AS3MT: variants seen among roughly 807,000 people sequenced by gnomAD.
AS3MT encodes S-adenosyl-L-methionine:arsenic(III) methyltransferase.
Under a neutral mutation model 45.3 loss-of-function variants are expected in AS3MT, and 47 were observed. The ratio of observed to expected loss-of-function variants is 1.04; its 90% CI spans 0.82 to 1.32. The LOEUF (loss-of-function observed/expected upper bound fraction) is 1.32. AS3MT is among the 40% of genes most tolerant of loss of function. The pLI is 0.00. For synonymous variants in AS3MT, 141 were observed against 152.8 expected, an observed-to-expected ratio of 0.92 and a Z score of 0.57; for missense variants, 396 against 451.1, an observed-to-expected ratio of 0.88 and a Z score of 1.11.
At chr10:102,891,931 A>T (rs1845075943) in intron 10 of AS3MT, among the ~76,000 whole-genome samples, 1 of 137,700 alleles carries the variant, frequency 7.3e-6, no homozygotes, top group Non-Finnish European at 1.5e-5. Context: ...CCTGGGCAAC[A>T]GAGTGAGACT....
Position 102,881,110 on chromosome 10 carries a change from A to T in AS3MT, c.885+2119A>T, listed in dbSNP as rs1010254010. On this transcript the variant is annotated intron_variant, in intron 9 of 10. Transcript: ENST00000369880. The surrounding 1 kb of genome is among the most constrained non-coding windows in gnomAD (Gnocchi z 4.2). The stretch of plus-strand genomic sequence containing the variant: ...ATCTGAATAATCTGGACAAATTCTC[A>T]TTCTGGGCAGTCATTCGTTTCATCC... Among the ~76,000 whole-genome samples, 5 of 152,206 alleles carry T rather than the reference A, an allele frequency of 3.3e-5. No homozygotes were observed. The highest frequency in any genetic ancestry group is 9.6e-5 in the African/African-American group (4 of 41,464).
In AS3MT at chr10:102,889,614, G is replaced by GCCTGCCCGCCTTCCTTCCTT. The variant is rs559139049; in HGVS notation, c.886-927_886-926insGCCCGCCTTCCTTCCTTCCT. Among the ~76,000 whole-genome samples the GCCTGCCCGCCTTCCTTCCTT allele has an allele frequency of 1.1e-3, 129 of 114,046 alleles. 3 individuals are homozygous for GCCTGCCCGCCTTCCTTCCTT. The highest frequency in any genetic ancestry group is 3.9e-3 in the African/African-American group (124 of 32,092). The allele number at this position is 114,046 out of a possible 152,430, so 74.8% of individuals were successfully genotyped here. ...CTTCCCTTCCCCTGCCTGTCTGCCT[G>GCCTGCCCGCCTTCCTTCCTT]CCTTCCTTCCTTCCTTCCTTCCTTC... is the stretch of plus-strand genomic sequence containing the variant. On this transcript the variant is annotated intron_variant, in intron 9 of 10. Coordinates refer to ENST00000369880, the MANE Select transcript of AS3MT (RefSeq NM_020682.4).
intron 10 of AS3MT, 148 bp downstream of exon 10, chr10:102,890,826 C>T: frequency 3.2e-6 from 2 of 633,400 alleles, no homozygotes; most frequent in Non-Finnish European, 4.9e-6. Flanking sequence ...TTCTCCCTGC[C>T]TCAGCCTCCC....
At chr10:102,893,209 A>C (rs1188260133) in intron 10 of AS3MT, among the ~76,000 whole-genome samples, 1 of 152,034 alleles carries the variant, frequency 6.6e-6, no homozygotes, top group Non-Finnish European at 1.5e-5. Flanking sequence ...AAGATAAGTC[A>C]ATTTTTTAAC....
At chr10:102,869,989 C>T (rs1394994909) in intron 2 of AS3MT, 95 bp from the exon 3 acceptor site, 15 of 1,566,350 alleles carry the variant, frequency 9.6e-6, no homozygotes, top group Non-Finnish European at 1.3e-5. Context: ...CTGAGGTCGG[C>T]CAAGTGGAGG....
chr10:102,874,567 C>T (rs1331638189), intron 5 of AS3MT, 25 bp from the exon 6 acceptor site: 22 of 1,533,922 alleles, frequency 1.4e-5, no homozygotes, highest in South Asian at 2.3e-5. Flanking sequence ...AAGATTTGCT[C>T]GACATTTCAT....
chr10:102,888,068 C>G (rs559040285), intron 9 of AS3MT: 1 of 165,064 alleles, frequency 6.1e-6, no homozygotes, highest in African/African-American at 2.4e-5. Context: ...AGATTCCCAG[C>G]TTTTCCATTC....
intron 9 of AS3MT, among the ~76,000 whole-genome samples, chr10:102,886,109 T>G (rs1470477612): frequency 2.6e-5 from 4 of 152,112 alleles, no homozygotes; most frequent in Non-Finnish European, 5.9e-5. Context: ...AAAACTAATT[T>G]TTCATTTTGT....
At chr10:102,870,551 G>T (rs1340116378) in intron 3 of AS3MT, among the ~76,000 whole-genome samples, 1 of 151,754 alleles carries the variant, frequency 6.6e-6, no homozygotes, top group Non-Finnish European at 1.5e-5. Flanking sequence ...AAATAAATGC[G>T]TACTTTAAAA....
Position 102,878,883 on chromosome 10 carries a change from C to T in AS3MT, c.777C>T (p.Leu259=). 1 of 1,613,666 alleles carries T rather than the reference C, an allele frequency of 6.2e-7. No homozygotes were observed. The highest frequency in any genetic ancestry group is 1.7e-5 in the Admixed American group (1 of 59,902). The change falls in exon 9 of 11, where the codon CTC becomes CTT. Residue 259 remains leucine, a synonymous_variant. Coordinates refer to ENST00000369880, the MANE Select transcript of AS3MT (RefSeq NM_020682.4). ...DCRFVSATFR[L]FKHSKTGPTK... ...GTTTTGTTTCTGCAACATTTCGCCTCTTCAAACACTCTAAGACAGGACCAA... is the reference window on the plus strand; with the variant it reads ...GTTTTGTTTCTGCAACATTTCGCCTTTTCAAACACTCTAAGACAGGACCAA...
In AS3MT at chr10:102,901,846, TG is replaced by T. The variant is rs1257483163; in HGVS notation, c.*1147del. On this transcript the variant is annotated 3_prime_UTR_variant, in exon 11 of 11. Coordinates refer to ENST00000369880, the MANE Select transcript of AS3MT (RefSeq NM_020682.4). ...ACTTTTGAGGTAGCTTTTGAACAAA[TG>T]TTTTTTTCTTTTTTCTTTTTTTTTG... is the stretch of plus-strand genomic sequence containing the variant. 6.6e-6 allele frequency: 1 copy of T among 152,096 alleles called. No individual in the cohort carries two copies. The highest frequency in any genetic ancestry group is 2.4e-5 in the African/African-American group (1 of 41,442). 9.4% of individuals were successfully genotyped at this position (152,096 alleles called of 1,614,324 possible). A position where few individuals can be genotyped will look rare whatever the true frequency, so the allele number is the denominator to read the frequency against.
intron 7 of AS3MT, 107 bp downstream of exon 7, chr10:102,877,142 G>A (rs1027442529): frequency 6.8e-6 from 7 of 1,031,882 alleles, no homozygotes; most frequent in Non-Finnish European, 8.8e-6. Flanking sequence ...ATGGGGTTAG[G>A]CCATGAGGCC....
intron 9 of AS3MT, among the ~76,000 whole-genome samples, chr10:102,888,544 C>A (rs1844995826): frequency 6.6e-6 from 1 of 151,804 alleles, no homozygotes; most frequent in Non-Finnish European, 1.5e-5. Context: ...GCCTCAGCCT[C>A]CCGAGTAGCT....
chr10:102,896,834 C>G (rs1425927482), intron 10 of AS3MT, among the ~76,000 whole-genome samples: 1 of 150,622 alleles, frequency 6.6e-6, no homozygotes, highest in African/African-American at 2.4e-5. Flanking sequence ...GAGTGATTTA[C>G]TTTCTTTGCT....
rs1590219407 is a variant in AS3MT at position 102,874,626 on chromosome 10, C to T, written c.493C>T (p.Gln165Ter). 10 of 1,610,230 alleles carry T rather than the reference C, an allele frequency of 6.2e-6. No homozygotes were observed. The East Asian group carries it at 2.2e-4, about 36-fold the overall frequency. ...TGTTATTAACCTTGTGCCTGATAAA[C>T]AACAAGTGCTTCAGGAGGCATATCG... ...NCVINLVPDK[Q>*]QVLQEAYRVL... The change falls in exon 6 of 11, where the codon CAA becomes TAA. Residue 165 changes from glutamine (Q) to a stop codon, truncating the protein, a stop_gained. Transcript: ENST00000369880. LOFTEE classifies it high-confidence loss of function.
At chr10:102,883,386 C>T (rs982440310) in intron 9 of AS3MT, among the ~76,000 whole-genome samples, 10 of 151,722 alleles carry the variant, frequency 6.6e-5, no homozygotes, top group Non-Finnish European at 1.2e-4. Flanking sequence ...TAGATGTGAG[C>T]CACTGTGCCC....
Position 102,899,631 on chromosome 10 carries a change from A to T in AS3MT, c.1021-962A>T, listed in dbSNP as rs1845238693. Among the ~76,000 whole-genome samples, 3 of 151,016 alleles carry T rather than the reference A, an allele frequency of 2.0e-5. No homozygotes were observed. In the South Asian group the frequency reaches 6.2e-4, roughly 31 times the overall value. The stretch of plus-strand genomic sequence containing the variant: ...AGTAGGACTGTAAATTTATGTTATA[A>T]TGAATTCATTACCATTATTTAAAGT... On this transcript the variant is annotated intron_variant, in intron 10 of 10. Transcript: ENST00000369880.
intron 10 of AS3MT, 65 bp downstream of exon 10, chr10:102,890,743 C>T (rs1365180295): frequency 6.7e-7 from 1 of 1,497,526 alleles, no homozygotes; most frequent in South Asian, 1.3e-5. Context: ...TGGAGTCTCT[C>T]TCTGTCACCC....
chr10:102,896,642 C>A (rs559569731), intron 10 of AS3MT, among the ~76,000 whole-genome samples: 8 of 151,978 alleles, frequency 5.3e-5, no homozygotes, highest in African/African-American at 1.9e-4. Context: ...CCCGTCTCTA[C>A]TAAAAATACA....
Sources: allele counts gnomAD v4.1 joint callset (sites outside exome capture counted in the v4.1 genomes callset), GRCh38; gene constraint gnomAD v4.1.1; non-coding constraint Gnocchi (gnomAD v3.1); transcripts MANE v1.5; gene names NCBI Gene and HGNC (gene_info 2026-07-23, HGNC 2026-07-21).